Variants in SCFD2 observed in about 807,000 individuals in gnomAD.
SCFD2 encodes sec1 family domain containing 2.
In SCFD2, 54 loss-of-function variants were observed where a neutral mutation model predicts 58.9. The ratio of observed to expected loss-of-function variants is 0.92; its 90% CI spans 0.74 to 1.15. SCFD2 has a LOEUF of 1.15. Ranked by LOEUF, SCFD2 falls within the 50% of genes most tolerant of loss-of-function variation. The pLI is 0.00. For synonymous variants in SCFD2, 321 were observed against 335.9 expected, an observed-to-expected ratio of 0.96 and a Z score of 0.49; for missense variants, 805 against 836.6, an observed-to-expected ratio of 0.96 and a Z score of 0.47.
intron 4 of SCFD2, among the ~76,000 whole-genome samples, chr4:53,264,199 G>C (rs1365745910): frequency 1.3e-5 from 2 of 152,172 alleles, no homozygotes; most frequent in Non-Finnish European, 2.9e-5. Context: ...AGTGACCAGG[G>C]CTGAGAACTT....
chr4:52,909,651 C>G (rs1719435770), intron 6 of SCFD2, among the ~76,000 whole-genome samples: 1 of 151,984 alleles, frequency 6.6e-6, no homozygotes, highest in Non-Finnish European at 1.5e-5. Context: ...TAAAGCACCA[C>G]TACAAACGGC....
chr4:53,327,327 G>C (rs534566501), intron 2 of SCFD2, among the ~76,000 whole-genome samples: 1 of 152,290 alleles, frequency 6.6e-6, no homozygotes, highest in South Asian at 2.1e-4. Flanking sequence ...GTCTGACCCA[G>C]GGTGGCAGAG....
chr4:53,281,567 T>G (rs1483425648), intron 3 of SCFD2, among the ~76,000 whole-genome samples: 2 of 152,184 alleles, frequency 1.3e-5, no homozygotes, highest in African/African-American at 4.8e-5. Flanking sequence ...TCGTAAATAA[T>G]GTGCAAAAGA....
At chr4:53,290,574 A>T (rs117273258) in intron 3 of SCFD2, among the ~76,000 whole-genome samples, 1 of 152,222 alleles carries the variant, frequency 6.6e-6, no homozygotes, top group East Asian at 1.9e-4. Flanking sequence ...TTAAAGAACA[A>T]ACTAAATCCA....
chr4:53,020,700 G>A (rs1312441153), intron 5 of SCFD2, among the ~76,000 whole-genome samples: 3 of 152,128 alleles, frequency 2.0e-5, no homozygotes, highest in Non-Finnish European at 4.4e-5. Context: ...CAAATAGGAA[G>A]GATCATGTGA....
intron 5 of SCFD2, among the ~76,000 whole-genome samples, chr4:53,097,212 C>T (rs1054666915): frequency 6.6e-6 from 1 of 152,054 alleles, no homozygotes; most frequent in African/African-American, 2.4e-5. Context: ...TCTTTTGGTT[C>T]CATATGAACT....
At chr4:53,026,998 C>A (rs1722490812) in intron 5 of SCFD2, among the ~76,000 whole-genome samples, 1 of 152,172 alleles carries the variant, frequency 6.6e-6, no homozygotes, top group African/African-American at 2.4e-5. Context: ...TGCCTGTCAC[C>A]CTAGTGACCT....
intron 5 of SCFD2, among the ~76,000 whole-genome samples, chr4:53,123,400 G>C: frequency 6.6e-6 from 1 of 152,136 alleles, no homozygotes. Flanking sequence ...TGGGAAGAGA[G>C]AGGGAATGCA....
intron 4 of SCFD2, among the ~76,000 whole-genome samples, chr4:53,176,668 G>A (rs983976008): frequency 3.9e-5 from 6 of 152,224 alleles, no homozygotes; most frequent in African/African-American, 1.4e-4. Flanking sequence ...AACAGGTTTT[G>A]GATGGGTGCA....
chr4:53,293,699 TCCC>T (rs1260376760), intron 3 of SCFD2, among the ~76,000 whole-genome samples: 1 of 152,150 alleles, frequency 6.6e-6, no homozygotes. Context: ...AAAAGTTTTT[TCCC>T]TAAAATCTGG....
At chr4:53,301,391 C>G (rs1221351784) in intron 3 of SCFD2, among the ~76,000 whole-genome samples, 1 of 152,050 alleles carries the variant, frequency 6.6e-6, no homozygotes, top group Non-Finnish European at 1.5e-5. Flanking sequence ...TCTCCCAAGA[C>G]TAAACCAGGA....
intron 4 of SCFD2, among the ~76,000 whole-genome samples, chr4:53,239,429 GGAGGGAGAGGGA>G (rs574905633): frequency 1.4e-5 from 2 of 142,344 alleles, no homozygotes; most frequent in Non-Finnish European, 3.1e-5. Flanking sequence ...AGGAGGGAGA[GGAGGGAGAGGGA>G]GAGGGAGAGG....
chr4:52,973,994 A>G (rs1721181916), intron 5 of SCFD2, among the ~76,000 whole-genome samples: 1 of 152,234 alleles, frequency 6.6e-6, no homozygotes, highest in South Asian at 2.1e-4. Flanking sequence ...AACTCTCAAT[A>G]AATTAGGTAT....
intron 5 of SCFD2, among the ~76,000 whole-genome samples, chr4:52,983,946 C>A (rs1721432945): frequency 6.6e-6 from 1 of 152,144 alleles, no homozygotes; most frequent in Non-Finnish European, 1.5e-5. Flanking sequence ...GGCTGTTTTG[C>A]CAAACATTTC....
At chr4:53,304,034 T>A (rs7685167) in intron 3 of SCFD2, among the ~76,000 whole-genome samples, 144,914 of 148,194 alleles carry the variant, frequency 0.98, 70,953 homozygotes, top group Middle Eastern at 1. Flanking sequence ...GCACACCAAC[T>A]TGGCACATGT....
rs1460521136 is a variant in SCFD2, at chr4:53,341,631, G to C, written c.1007+10967C>G. On this transcript the variant is annotated intron_variant, in intron 2 of 8. Coordinates refer to ENST00000401642, the MANE Select transcript of SCFD2 (RefSeq NM_152540.4). ...ACGCCACAAAGACACTCTTCGAGAA[G>C]AGCAACTCCAAGACACATAATTGTC... 5.9e-5 allele frequency among the ~76,000 whole-genome samples: 9 copies of C among 152,242 alleles called. No homozygotes were observed. The East Asian group carries it at 1.5e-3, about 26-fold the overall frequency.
intron 5 of SCFD2, among the ~76,000 whole-genome samples, chr4:52,981,728 G>A (rs1267043963): frequency 6.6e-6 from 1 of 152,154 alleles, no homozygotes; most frequent in African/African-American, 2.4e-5. Context: ...GGGGTACAGG[G>A]TGAGCCAGGA....
At chr4:53,270,012 C>G (rs1731112223) in intron 4 of SCFD2, among the ~76,000 whole-genome samples, 1 of 152,152 alleles carries the variant, frequency 6.6e-6, no homozygotes, top group Admixed American at 6.5e-5. Context: ...GGTGACAGAG[C>G]AAGACCTGTC....
At chr4:52,960,892 G>A (rs778232338) in intron 5 of SCFD2, among the ~76,000 whole-genome samples, 4 of 152,132 alleles carry the variant, frequency 2.6e-5, no homozygotes, top group Admixed American at 6.5e-5. Context: ...GGACCTTAGC[G>A]CCTAATTTTA....
Sources: allele counts gnomAD v4.1 joint callset (sites outside exome capture counted in the v4.1 genomes callset), GRCh38; gene constraint gnomAD v4.1.1; transcripts MANE v1.5; gene names NCBI Gene and HGNC (gene_info 2026-07-23, HGNC 2026-07-21).